Variants in LOC128125817 observed in about 807,000 individuals in gnomAD.
the LOC128125817 span, among the ~76,000 whole-genome samples, chr1:41,593,261 T>C: frequency 6.6e-6 from 1 of 152,230 alleles, no homozygotes; most frequent in Admixed American, 6.5e-5. Flanking sequence ...CTACAGTTAA[T>C]TTAATATATG....
chr1:41,627,006 G>A, the LOC128125817 span, among the ~76,000 whole-genome samples: 3 of 152,218 alleles, frequency 2.0e-5, no homozygotes, highest in Non-Finnish European at 4.4e-5. Context: ...ACTCACTGAG[G>A]TTTGGGAAGG....
At chr1:41,614,461 C>T in the LOC128125817 span, among the ~76,000 whole-genome samples, 1 of 152,340 alleles carries the variant, frequency 6.6e-6, no homozygotes, top group South Asian at 2.1e-4. Context: ...AGGCAAGCCT[C>T]CTTTCTGCAG....
the LOC128125817 span, among the ~76,000 whole-genome samples, chr1:41,590,445 G>C: frequency 1.3e-5 from 2 of 152,242 alleles, no homozygotes; most frequent in East Asian, 1.9e-4. Context: ...AAGGAAAAGT[G>C]CTTGCCCTCC....
the LOC128125817 span, among the ~76,000 whole-genome samples, chr1:41,589,144 G>A: frequency 6.6e-6 from 1 of 152,194 alleles, no homozygotes; most frequent in Admixed American, 6.5e-5. Flanking sequence ...CACTTTTCCA[G>A]GGAATTGGTG....
chr1:41,621,746 C>T, the LOC128125817 span, among the ~76,000 whole-genome samples: 3 of 152,146 alleles, frequency 2.0e-5, no homozygotes, highest in Non-Finnish European at 4.4e-5. Flanking sequence ...TCAAACTCTC[C>T]GGCTCAGGTG....
At chr1:41,603,307 A>T in the LOC128125817 span, among the ~76,000 whole-genome samples, 650 of 151,906 alleles carry the variant, frequency 4.3e-3, 5 homozygotes, top group African/African-American at 0.015. Context: ...ACCTCAGGTG[A>T]TCCACCCACC....
At chr1:41,613,914 T>C in the LOC128125817 span, among the ~76,000 whole-genome samples, 25 of 152,366 alleles carry the variant, frequency 1.6e-4, 1 homozygote, top group African/African-American at 5.5e-4. Context: ...TCACCCGCCA[T>C]ATGTCCTTTT....
At chr1:41,610,706 G>T in the LOC128125817 span, among the ~76,000 whole-genome samples, 1 of 152,182 alleles carries the variant, frequency 6.6e-6, no homozygotes, top group Non-Finnish European at 1.5e-5. Flanking sequence ...AGGGAGCCCG[G>T]TTTAATTCAA....
chr1:41,627,613 C>T, the LOC128125817 span, among the ~76,000 whole-genome samples: 1 of 152,194 alleles, frequency 6.6e-6, no homozygotes, highest in African/African-American at 2.4e-5. Flanking sequence ...TGAGGGCTGC[C>T]TGTGGCCCCA....
At chr1:41,591,121 G>A in the LOC128125817 span, among the ~76,000 whole-genome samples, 1 of 152,168 alleles carries the variant, frequency 6.6e-6, no homozygotes, top group Non-Finnish European at 1.5e-5. Context: ...GGGCTGTCAT[G>A]GCTGTGTGGA....
the LOC128125817 span, among the ~76,000 whole-genome samples, chr1:41,625,427 G>A: frequency 2.0e-5 from 3 of 152,156 alleles, no homozygotes; most frequent in Non-Finnish European, 2.9e-5. Context: ...AAACTTTACC[G>A]AATCAGGCAG....
chr1:41,616,620 C>CTT, the LOC128125817 span, among the ~76,000 whole-genome samples: 907 of 112,428 alleles, frequency 8.1e-3, 16 homozygotes, highest in South Asian at 0.016. Context: ...GATGGGGAGC[C>CTT]TTTTTTTTTT....
the LOC128125817 span, among the ~76,000 whole-genome samples, chr1:41,594,060 C>G: frequency 6.7e-6 from 1 of 148,838 alleles, no homozygotes; most frequent in Non-Finnish European, 1.5e-5. Flanking sequence ...ATTGAGTCCA[C>G]CTGGATAATC....
the LOC128125817 span, among the ~76,000 whole-genome samples, chr1:41,588,461 C>G: frequency 4.6e-5 from 7 of 152,122 alleles, no homozygotes; most frequent in African/African-American, 1.4e-4. Flanking sequence ...AGCCACAAGG[C>G]TCTCCTTGGC....
chr1:41,594,713 A>AT, the LOC128125817 span, among the ~76,000 whole-genome samples: 4 of 151,606 alleles, frequency 2.6e-5, no homozygotes, highest in Non-Finnish European at 4.4e-5. Context: ...GCTGTACAGA[A>AT]TTTTTTTTTG....
At chr1:41,617,688 A>C in the LOC128125817 span, among the ~76,000 whole-genome samples, 2 of 152,254 alleles carry the variant, frequency 1.3e-5, no homozygotes, top group Non-Finnish European at 2.9e-5. Flanking sequence ...CACGGGAGAG[A>C]ACCAAGTAGG....
At chr1:41,624,152 C>A in the LOC128125817 span, among the ~76,000 whole-genome samples, 1 of 152,128 alleles carries the variant, frequency 6.6e-6, no homozygotes, top group African/African-American at 2.4e-5. Context: ...CTCAACTTCT[C>A]CCCTCCCCAT....
the LOC128125817 span, among the ~76,000 whole-genome samples, chr1:41,618,406 G>A: frequency 1.3e-5 from 2 of 152,196 alleles, no homozygotes; most frequent in South Asian, 2.1e-4. Context: ...AAATGTGCTC[G>A]GGCCCTGAAC....
the LOC128125817 span, among the ~76,000 whole-genome samples, chr1:41,596,935 G>A: frequency 1.3e-5 from 2 of 152,262 alleles, no homozygotes; most frequent in East Asian, 3.9e-4. Flanking sequence ...AAGTCACTCT[G>A]CATGACCATG....
Sources: gnomAD v4.1 joint callset for allele counts (sites outside exome capture counted in the v4.1 genomes callset) on GRCh38, gnomAD v4.1.1 for gene constraint, MANE v1.5 for transcripts.